Variants in AOAH observed in about 807,000 individuals in gnomAD.
AOAH encodes acyloxyacyl hydrolase, also known as acyloxyacyl hydrolase (neutrophil).
AOAH carries 64 observed loss-of-function variants against 92.2 expected under a neutral mutation model. The ratio of observed to expected loss-of-function variants is 0.69; its 90% CI spans 0.57 to 0.86. The LOEUF is 0.86. Ranked by LOEUF, AOAH falls within the 40% of genes least tolerant of loss-of-function variation. The probability of loss-of-function intolerance (pLI) is 0.00; values close to 1 mark genes in which losing one functional copy is unlikely to be tolerated. For synonymous variants in AOAH, 263 were observed against 254.5 expected (o/e 1.03, Z -0.32); for missense variants, 656 against 694.6 (o/e 0.94, Z 0.62).
intron 4 of AOAH, among the ~76,000 whole-genome samples, chr7:36,648,290 A>G (rs1217102339): frequency 6.6e-6 from 1 of 152,260 alleles, no homozygotes; most frequent in East Asian, 1.9e-4. Context: ...CCAAATACAT[A>G]GGAGGTGGAT....
At chr7:36,565,470 A>G (rs1331374122) in intron 13 of AOAH, among the ~76,000 whole-genome samples, 3 of 152,132 alleles carry the variant, frequency 2.0e-5, no homozygotes, top group Non-Finnish European at 2.9e-5. Flanking sequence ...GATTTCCAAA[A>G]AGTTGCAAAA....
Position 36,532,326 on chromosome 7 carries a change from A to T in AOAH, c.1325T>A (p.Met442Lys), listed in dbSNP as rs1260346143. Residue 442 changes from methionine to lysine, a missense_variant, in exon 17 of 21, where the codon ATG becomes AAG. Coordinates refer to ENST00000617537, the MANE Select transcript of AOAH (RefSeq NM_001637.4). ...YHPLGQLNKD[M>K]TYAQLYSFLN... The stretch of plus-strand genomic sequence containing the variant: ...GAAGGAGTACAACTGCGCATAGGTC[A>T]TGTCTTTATTTAGCTGGCCTGGAAA... 1.2e-6 allele frequency: 2 copies of T among 1,613,838 alleles called. No individual in the cohort carries two copies. Among genetic ancestry groups the T allele is most frequent in the East Asian group, 2.2e-5 (1 of 44,892 alleles).
chr7:36,690,304 C>A (rs770168734), intron 1 of AOAH: 1 of 367,798 alleles, frequency 2.7e-6, no homozygotes, highest in South Asian at 2.2e-5. Flanking sequence ...ATCAAAAGGA[C>A]CCTGCAGGAA....
chr7:36,548,799 A>C (rs1562557589), intron 14 of AOAH, 113 bp from the exon 15 acceptor site: 5 of 796,546 alleles, frequency 6.3e-6, no homozygotes, highest in South Asian at 1.5e-5. Flanking sequence ...CCTCTTGGCA[A>C]CTTTTTGCTA....
chr7:36,594,328 A>G lies in AOAH; in HGVS notation c.938+11T>C, dbSNP rs138351217. ...GTATTGAAATGTCTGAGGGTGCACA[A>G]AGACACTTACCCAACAGTGGAGTCC... On this transcript the variant is annotated intron_variant, in intron 12 of 20. Transcript: ENST00000617537. The G allele has an allele frequency of 6.2e-7, 1 of 1,608,284 alleles. No individual in the cohort carries two copies. Among genetic ancestry groups the G allele is most frequent in the African/African-American group, 1.3e-5 (1 of 74,940 alleles).
In AOAH at chr7:36,716,811, C is replaced by T. The variant is rs369421814; in HGVS notation, c.127+7211G>A. ...ACACAGGAAGGGGAACATCACACACCGGGGCCTGTTGTGGGGTGGAGGGAG... is the reference window on the plus strand; with the variant it reads ...ACACAGGAAGGGGAACATCACACACTGGGGCCTGTTGTGGGGTGGAGGGAG... On this transcript the variant is annotated intron_variant, in intron 1 of 20. Transcript: ENST00000617537. Among the ~76,000 whole-genome samples, 452 of 151,454 alleles carry T rather than the reference C, an allele frequency of 3.0e-3. 1 individual carries two copies. Among genetic ancestry groups the T allele is most frequent in the African/African-American group, 0.011 (432 of 41,104 alleles).
intron 1 of AOAH, among the ~76,000 whole-genome samples, chr7:36,713,016 A>C (rs1159993343): frequency 6.8e-6 from 1 of 147,404 alleles, no homozygotes; most frequent in Admixed American, 6.7e-5. Context: ...TAAATGATCC[A>C]ATTAAAAGAC....
At chr7:36,665,682 T>C (rs554095907) in intron 3 of AOAH, among the ~76,000 whole-genome samples, 2 of 152,288 alleles carry the variant, frequency 1.3e-5, no homozygotes, top group Non-Finnish European at 2.9e-5. Flanking sequence ...AGTCTTTTTG[T>C]AGATATTCTT....
intron 19 of AOAH, among the ~76,000 whole-genome samples, chr7:36,529,477 T>A (rs1784573680): frequency 6.6e-6 from 1 of 152,216 alleles, no homozygotes; most frequent in Non-Finnish European, 1.5e-5. Context: ...GTTGAAAGGA[T>A]GTTCAGAATT....
chr7:36,665,735 T>C (rs1168670768), intron 3 of AOAH, among the ~76,000 whole-genome samples: 1 of 151,928 alleles, frequency 6.6e-6, no homozygotes, highest in Non-Finnish European at 1.5e-5. Context: ...TCTAGTTTAC[T>C]GAGAGTTTTT....
chr7:36,613,774 C>T (rs1456024050), intron 11 of AOAH, among the ~76,000 whole-genome samples: 2 of 152,174 alleles, frequency 1.3e-5, no homozygotes, highest in East Asian at 3.9e-4. Flanking sequence ...TTCATGTGTG[C>T]AATTTCCTCT....
chr7:36,538,858 A>G (rs1785244583), intron 16 of AOAH, among the ~76,000 whole-genome samples: 1 of 152,192 alleles, frequency 6.6e-6, no homozygotes, highest in Non-Finnish European at 1.5e-5. Context: ...CTTGGATGAT[A>G]ATATTTGTGA....
At chr7:36,556,644 C>A (rs1302209434) in intron 13 of AOAH, among the ~76,000 whole-genome samples, 1 of 145,204 alleles carries the variant, frequency 6.9e-6, no homozygotes. Context: ...TCACTCAGGA[C>A]TTGCTTTATG....
intron 1 of AOAH, among the ~76,000 whole-genome samples, chr7:36,719,809 A>C (rs2117035829): frequency 6.6e-6 from 1 of 152,156 alleles, no homozygotes; most frequent in Non-Finnish European, 1.5e-5. Context: ...GGTGGTGTGC[A>C]CCTGTAGTCC....
At chr7:36,647,816 A>T (rs1444052665) in intron 4 of AOAH, among the ~76,000 whole-genome samples, 1 of 151,364 alleles carries the variant, frequency 6.6e-6, no homozygotes, top group Non-Finnish European at 1.5e-5. Flanking sequence ...TTCCAATGCC[A>T]TCTTCAGTTC....
At chr7:36,563,217 C>T (rs916512151) in intron 13 of AOAH, among the ~76,000 whole-genome samples, 1 of 144,252 alleles carries the variant, frequency 6.9e-6, no homozygotes, top group Non-Finnish European at 1.5e-5. Flanking sequence ...TTCCTGGGAC[C>T]ACAACTATTC....
chr7:36,698,552 G>A (rs1797850106), intron 1 of AOAH, among the ~76,000 whole-genome samples: 1 of 151,830 alleles, frequency 6.6e-6, no homozygotes, highest in African/African-American at 2.4e-5. Context: ...TTTAATATGT[G>A]TTTAAAGTTA....
chr7:36,645,516 T>C lies in AOAH; in HGVS notation c.391-7606A>G, dbSNP rs373346186. On this transcript the variant is annotated intron_variant, in intron 4 of 20. Transcript: ENST00000617537. Reference sequence around the variant, plus strand: ...GGGCTTCAAGGCAATTTCTATTCAGTAGGAAGACAAAGGCAAGAAGTTTTA... The same window carrying C: ...GGGCTTCAAGGCAATTTCTATTCAGCAGGAAGACAAAGGCAAGAAGTTTTA... Among the ~76,000 whole-genome samples, 22 of 152,306 alleles carry C rather than the reference T, an allele frequency of 1.4e-4. No homozygotes were observed. In the South Asian group the frequency reaches 4.6e-3, roughly 32 times the overall value.
intron 9 of AOAH, 101 bp downstream of exon 9, chr7:36,620,680 G>C: frequency 8.8e-7 from 1 of 1,138,246 alleles, no homozygotes; most frequent in East Asian, 2.5e-5. Flanking sequence ...GCTTTAGGCT[G>C]TCATAGTCTT....
Sources: gnomAD v4.1 joint callset for allele counts (sites outside exome capture counted in the v4.1 genomes callset) on GRCh38, gnomAD v4.1.1 for gene constraint, MANE v1.5 for transcripts, NCBI Gene and HGNC (gene_info 2026-07-23, HGNC 2026-07-21) for gene names.